The following C2CD5 variants were observed in gnomAD, a reference collection of about 807,000 sequenced individuals.
C2CD5 encodes the protein C2 domain-containing protein 5.
A neutral mutation model predicts 130.3 loss-of-function variants in C2CD5; 109 were observed. The observed-to-expected ratio is 0.84, with a 90% CI of 0.72 to 0.98. The LOEUF (loss-of-function observed/expected upper bound fraction) is 0.98. Ranked by LOEUF, C2CD5 falls within the 50% of genes least tolerant of loss-of-function variation. The pLI is 0.00. For missense variants in C2CD5, 996 were observed against 1,261.8 expected (o/e 0.79, Z 3.19); for synonymous variants, 454 against 429.2 (o/e 1.06, Z -0.71).
chr12:22,523,833 A>G (rs1213202943), intron 6 of C2CD5, among the ~76,000 whole-genome samples: 1 of 151,518 alleles, frequency 6.6e-6, no homozygotes, highest in Non-Finnish European at 1.5e-5. Flanking sequence ...AAAATATAAT[A>G]TATACTTATA....
intron 21 of C2CD5, among the ~76,000 whole-genome samples, chr12:22,470,486 T>C (rs927455794): frequency 2.0e-5 from 3 of 152,154 alleles, no homozygotes; most frequent in Non-Finnish European, 4.4e-5. Flanking sequence ...TTGTGCTTAC[T>C]ACATCAGTAG....
At chr12:22,536,078 T>G (rs1327526988) in intron 2 of C2CD5, among the ~76,000 whole-genome samples, 1 of 151,762 alleles carries the variant, frequency 6.6e-6, no homozygotes, top group Non-Finnish European at 1.5e-5. Flanking sequence ...CAGTTCTCCA[T>G]GCACTGGTAA....
chr12:22,473,752 A>T (rs892758146), intron 16 of C2CD5, among the ~76,000 whole-genome samples: 1 of 152,116 alleles, frequency 6.6e-6, no homozygotes, highest in African/African-American at 2.4e-5. Context: ...GGGCCCAAGA[A>T]TTTGCATTTC....
chr12:22,466,234 A>T (rs962530253), intron 22 of C2CD5, among the ~76,000 whole-genome samples: 3 of 152,070 alleles, frequency 2.0e-5, no homozygotes, highest in African/African-American at 7.2e-5. Flanking sequence ...AGGAAATAAA[A>T]AATTTTAACA....
chr12:22,536,058 T>C (rs1389396723), intron 2 of C2CD5, among the ~76,000 whole-genome samples: 1 of 151,080 alleles, frequency 6.6e-6, no homozygotes, highest in South Asian at 2.1e-4. Context: ...TAGCACTAAA[T>C]AGAATAAAGC....
intron 3 of C2CD5, among the ~76,000 whole-genome samples, chr12:22,530,076 C>CTATATATATATATATA (rs918605281): frequency 1.3e-5 from 1 of 77,290 alleles, no homozygotes; most frequent in Admixed American, 1.6e-4. Flanking sequence ...TATTTGAGTG[C>CTATATATATATATATA]TATATATATA....
chr12:22,513,719 T>C (rs1371202896), intron 8 of C2CD5, among the ~76,000 whole-genome samples: 1 of 152,116 alleles, frequency 6.6e-6, no homozygotes, highest in Non-Finnish European at 1.5e-5. Flanking sequence ...TAACAATTAC[T>C]ATGCTAACAA....
intron 22 of C2CD5, among the ~76,000 whole-genome samples, chr12:22,462,429 G>GA (rs1941333793): frequency 6.6e-6 from 1 of 152,096 alleles, no homozygotes; most frequent in Non-Finnish European, 1.5e-5. Flanking sequence ...ACCATTAAGT[G>GA]ATAACCCTGC....
chr12:22,530,155 T>C (rs943316596), intron 3 of C2CD5, among the ~76,000 whole-genome samples: 2 of 141,442 alleles, frequency 1.4e-5, no homozygotes, highest in Non-Finnish European at 3.0e-5. Flanking sequence ...ATATATATTA[T>C]ACACAACTGT....
intron 10 of C2CD5, among the ~76,000 whole-genome samples, chr12:22,495,540 T>C (rs1946900825): frequency 6.6e-6 from 1 of 151,164 alleles, no homozygotes; most frequent in African/African-American, 2.4e-5. Flanking sequence ...AAAGAATAAG[T>C]GGCTGATTCA....
intron 12 of C2CD5, among the ~76,000 whole-genome samples, chr12:22,489,741 T>A (rs1946095629): frequency 6.6e-6 from 1 of 152,216 alleles, no homozygotes; most frequent in Admixed American, 6.5e-5. Flanking sequence ...AAATTAAGAA[T>A]TGTTTTTTAT....
chr12:22,513,933 C>T (rs1278305142), intron 8 of C2CD5, among the ~76,000 whole-genome samples: 1 of 152,068 alleles, frequency 6.6e-6, no homozygotes, highest in Non-Finnish European at 1.5e-5. Flanking sequence ...TAATTTCATA[C>T]ATGTCAACGC....
At chr12:22,511,266 T>A (rs1318450037) in intron 9 of C2CD5, among the ~76,000 whole-genome samples, 1 of 151,392 alleles carries the variant, frequency 6.6e-6, no homozygotes. Flanking sequence ...AAACATCATA[T>A]AAGTAGATCA....
intron 17 of C2CD5, 72 bp downstream of exon 17, chr12:22,472,672 A>T: frequency 1.1e-6 from 1 of 873,316 alleles, no homozygotes; most frequent in Non-Finnish European, 2.0e-6. Flanking sequence ...TAAAATTAGT[A>T]CTGTAACAAT....
chr12:22,517,276 T>G (rs1364177915), intron 8 of C2CD5, among the ~76,000 whole-genome samples: 2 of 148,770 alleles, frequency 1.3e-5, no homozygotes, highest in Non-Finnish European at 3.0e-5. Flanking sequence ...GTTTTTAAAT[T>G]TATTTTAAAT....
At chr12:22,497,530 A>G (rs1947178200) in intron 10 of C2CD5, 8 of 513,418 alleles carry the variant, frequency 1.6e-5, no homozygotes. Context: ...TAATACAATG[A>G]TAATCTATCA....
chr12:22,488,315 T>C (rs1945844572), intron 12 of C2CD5, among the ~76,000 whole-genome samples: 1 of 152,098 alleles, frequency 6.6e-6, no homozygotes, highest in South Asian at 2.1e-4. Flanking sequence ...TTACAAAGCA[T>C]ATAAGAATTT....
At chr12:22,462,959 T>G (rs981926165) in intron 22 of C2CD5, among the ~76,000 whole-genome samples, 1 of 151,424 alleles carries the variant, frequency 6.6e-6, no homozygotes, top group Non-Finnish European at 1.5e-5. Flanking sequence ...AAGGGGGTGT[T>G]AGTGGTCCCA....
chr12:22,466,349 A>T (rs1234350842), intron 22 of C2CD5, among the ~76,000 whole-genome samples: 1 of 152,030 alleles, frequency 6.6e-6, no homozygotes, highest in Non-Finnish European at 1.5e-5. Flanking sequence ...CAAAATGATT[A>T]AAAAACTATA....
Sources: gnomAD v4.1 joint callset for allele counts (sites outside exome capture counted in the v4.1 genomes callset) on GRCh38, gnomAD v4.1.1 for gene constraint, MANE v1.5 for transcripts, NCBI Gene and HGNC (gene_info 2026-07-23, HGNC 2026-07-21) for gene names.